Variants in KLF10 observed in about 807,000 individuals in gnomAD.
KLF10 encodes KLF transcription factor 10, also known as Krueppel-like factor 10.
In KLF10, 17 loss-of-function variants were observed where a neutral mutation model predicts 31.6. The observed-to-expected ratio is 0.54, with a 90% CI of 0.37 to 0.81. KLF10 has a LOEUF of 0.81. Ranked by LOEUF, KLF10 falls within the 30% of genes least tolerant of loss-of-function variation. The pLI, the probability that KLF10 is intolerant of heterozygous loss-of-function variation, is 0.00. For missense variants in KLF10, 525 were observed against 598.1 expected, an observed-to-expected ratio of 0.88 and a Z score of 1.27; for synonymous variants, 239 against 215.1, an observed-to-expected ratio of 1.11 and a Z score of -0.97.
Position 102,651,420 on chromosome 8 carries a change from A to AG in KLF10, c.911dup (p.Val305CysfsTer58). The AG allele has an allele frequency of 6.2e-7, 1 of 1,613,324 alleles. No individual in the cohort carries two copies. The highest frequency in any genetic ancestry group is 8.5e-7 in the Non-Finnish European group (1 of 1,179,640). ...GGACTTGTGTGCCCATGAACACAAC[A>AG]GGGGGGCAAACGGCTGGTGGCTGGC... On this transcript the variant is annotated frameshift_variant, in exon 3 of 4. Coordinates refer to ENST00000285407, the MANE Select transcript of KLF10 (RefSeq NM_005655.4). LOFTEE classifies it high-confidence loss of function.
At chr8:102,654,702 C>G (rs1282805975) in intron 1 of KLF10, among the ~76,000 whole-genome samples, 4 of 151,778 alleles carry the variant, frequency 2.6e-5, no homozygotes, top group East Asian at 2.0e-4. Context: ...CCACGGGTTC[C>G]CAGACGTGCA....
Position 102,651,227 on chromosome 8 carries a change from G to A in KLF10, c.1105C>T (p.His369Tyr). The A allele has an allele frequency of 6.4e-7, 1 of 1,572,590 alleles. No homozygotes were observed. Among genetic ancestry groups the A allele is most frequent in the Non-Finnish European group, 8.6e-7 (1 of 1,160,342 alleles). ...CCACATCCTGGGTGGCTACAGATGT[G>A]ACTCCTTATCCTTGATGAATCAATC... The part of the protein sequence containing the change: ...PQIDSSRIRS[H>Y]ICSHPGCGKT... The change falls in exon 3 of 4, where the codon CAC (histidine) becomes TAC (tyrosine). Residue 369 changes from histidine to tyrosine, a missense_variant. This residue lies in a region of KLF10 where 434 missense variants were observed against 450.7 expected (regional missense o/e 0.96). Transcript: ENST00000285407.
Position 102,652,078 on chromosome 8 carries a change from T to C in KLF10, c.271-17A>G, listed in dbSNP as rs1226314583. The C allele has an allele frequency of 1.3e-6, 2 of 1,554,496 alleles. No homozygotes were observed. Among genetic ancestry groups the C allele is most frequent in the East Asian group, 2.3e-5 (1 of 43,364 alleles). ...AGTCAAACACTAAAGAAAAGGGAAA[T>C]ACATAGCATGAGAAATCTACAGTTT... On this transcript the variant is annotated splice_polypyrimidine_tract_variant and intron_variant, in intron 2 of 3. Transcript: ENST00000285407.
chr8:102,654,681 G>A (rs1204320205), intron 1 of KLF10, among the ~76,000 whole-genome samples: 1 of 140,598 alleles, frequency 7.1e-6, no homozygotes, highest in African/African-American at 2.7e-5. Flanking sequence ...GGCCCCTCCC[G>A]CCGCGCGTCT....
intron 2 of KLF10, 27 bp downstream of exon 2, chr8:102,652,137 G>T (rs201319760): frequency 2.0e-6 from 3 of 1,495,994 alleles, no homozygotes; most frequent in Admixed American, 4.4e-5. Context: ...TATAATTTAC[G>T]TCTATCTTAA....
Position 102,649,428 on chromosome 8 carries a change from G to A in KLF10, c.*704C>T, listed in dbSNP as rs926170256. ...AGTTCAAAGCATAATGAAATGCCTA[G>A]ATACAGTCATTTGTTAAACTTTCAA... On this transcript the variant is annotated 3_prime_UTR_variant, in exon 4 of 4. Transcript: ENST00000285407. 1 of 152,152 alleles carries A rather than the reference G, an allele frequency of 6.6e-6. No homozygotes were observed. Among genetic ancestry groups the A allele is most frequent in the Non-Finnish European group, 1.5e-5 (1 of 68,072 alleles). 9.4% of individuals were successfully genotyped at this position (152,152 alleles called of 1,614,324 possible). A position where few individuals can be genotyped will look rare whatever the true frequency, so the allele number is the denominator to read the frequency against.
Position 102,652,243 on chromosome 8 carries a change from G to A in KLF10, c.191C>T (p.Pro64Leu). 1 of 1,613,328 alleles carries A rather than the reference G, an allele frequency of 6.2e-7. No homozygotes were observed. The highest frequency in any genetic ancestry group is 8.5e-7 in the Non-Finnish European group (1 of 1,179,518). The stretch of plus-strand genomic sequence containing the variant: ...TGACAAATCAGATACTGGTGTAACA[G>A]GTCTGTTTTCAACGTATTTCTTAAA... Reference protein sequence around the residue: ...SDFKKYVENRPVTPVSDLSEE... With the variant: ...SDFKKYVENRLVTPVSDLSEE... Residue 64 changes from proline (P) to leucine (L), a missense_variant, in exon 2 of 4, where the codon CCT (proline) becomes CTT (leucine). By Grantham distance (98) the Pro-to-Leu change is moderately conservative. This residue lies in a region of KLF10 where 434 missense variants were observed against 450.7 expected (regional missense o/e 0.96). Coordinates refer to ENST00000285407, the MANE Select transcript of KLF10 (RefSeq NM_005655.4).
chr8:102,650,089 C>A lies in KLF10; in HGVS notation c.*43G>T. On this transcript the variant is annotated 3_prime_UTR_variant, in exon 4 of 4. Coordinates refer to ENST00000285407, the MANE Select transcript of KLF10 (RefSeq NM_005655.4). Reference sequence around the variant, plus strand: ...GCATTTTTACATCACCACTGGCTCCCGCTGAGACCAAAGTTAGTTCTGACT... The same window carrying A: ...GCATTTTTACATCACCACTGGCTCCAGCTGAGACCAAAGTTAGTTCTGACT... 6.2e-7 allele frequency: 1 copy of A among 1,601,786 alleles called. No homozygotes were observed.
At position 102,651,912 on chromosome 8, in the gene KLF10, G is replaced by T. The variant is rs147912564; in HGVS notation, c.420C>A (p.Ser140Arg). The change falls in exon 3 of 4, where the codon AGC becomes AGA. Residue 140 changes from serine to arginine, a missense_variant. Physicochemically the swap from Ser to Arg is moderately radical, Grantham distance 110. Around this residue, in one of 3 missense-constraint regions of KLF10, gnomAD observed 434 missense variants for 450.7 expected, o/e 0.96. Coordinates refer to ENST00000285407, the MANE Select transcript of KLF10 (RefSeq NM_005655.4). ...IAAPFKEEEK[S>R]PVSAPKLPKA... ...TGGGGAGTTTGGGGGCAGATACTGG[G>T]CTCTTTTCTTCCTCTTTGAAAGGTG... The T allele has an allele frequency of 4.3e-6, 7 of 1,613,924 alleles. No individual in the cohort carries two copies. In the African/African-American group the frequency reaches 8.0e-5, roughly 18 times the overall value.
At chr8:102,652,742 C>A (rs926973376) in intron 1 of KLF10, among the ~76,000 whole-genome samples, 6 of 151,992 alleles carry the variant, frequency 3.9e-5, no homozygotes, top group Non-Finnish European at 8.8e-5. Context: ...CATTTGTGAT[C>A]CAAAAGGAGA....
rs1430538631 is a variant in KLF10, at chr8:102,652,494, A to C, written c.37-97T>G. 6.2e-5 allele frequency: 36 copies of C among 579,488 alleles called. No individual in the cohort carries two copies. The East Asian group carries it at 9.4e-4, about 15-fold the overall frequency. 35.9% of individuals were successfully genotyped at this position (579,488 alleles called of 1,614,324 possible). ...AATTTTTTTTTTTTTTTTTTTTACA[A>C]CTCACACAACTTTCCAAATTAAAAT... On this transcript the variant is annotated intron_variant, in intron 1 of 3. Transcript: ENST00000285407.
rs1483330360 is a variant in KLF10, at chr8:102,651,506, T to G, written c.826A>C (p.Met276Leu). The G allele has an allele frequency of 3.7e-6, 6 of 1,613,584 alleles. No homozygotes were observed. Among genetic ancestry groups the G allele is most frequent in the Non-Finnish European group, 5.1e-6 (6 of 1,179,770 alleles). ...GVPPMPVICQ[M>L]VPLPANNPVV... ...GGGTTGTTGGCAGGAAGGGGAACCA[T>G]CTGGCAGATGACCGGCATAGGTGGC... Residue 276 changes from methionine (M) to leucine (L), a missense_variant, in exon 3 of 4, where the codon ATG (methionine) becomes CTG (leucine). Physicochemically the swap from Met to Leu is conservative, Grantham distance 15. Around this residue, in one of 3 missense-constraint regions of KLF10, gnomAD observed 434 missense variants for 450.7 expected, o/e 0.96. Transcript: ENST00000285407.
rs931197123 is a variant in KLF10, at chr8:102,649,237, G to A, written c.*895C>T. 3 of 152,468 alleles carry A rather than the reference G, an allele frequency of 2.0e-5. No homozygotes were observed. Among genetic ancestry groups the A allele is most frequent in the Admixed American group, 2.0e-4 (3 of 15,276 alleles). 9.4% of individuals were successfully genotyped at this position (152,468 alleles called of 1,614,324 possible). A position where few individuals can be genotyped will look rare whatever the true frequency, so the allele number is the denominator to read the frequency against. ...TAAAGGTACTTTACTGATGACATAA[G>A]CCATCTTTTTCAAGAAGTTATCTAA... On this transcript the variant is annotated 3_prime_UTR_variant, in exon 4 of 4. Coordinates refer to ENST00000285407, the MANE Select transcript of KLF10 (RefSeq NM_005655.4).
chr8:102,651,166 T>C lies in KLF10; in HGVS notation c.1166A>G (p.His389Arg), dbSNP rs1827199012. 1 of 1,510,214 alleles carries C rather than the reference T, an allele frequency of 6.6e-7. No homozygotes were observed. Among genetic ancestry groups the C allele is most frequent in the African/African-American group, 1.4e-5 (1 of 71,598 alleles). 93.6% of individuals were successfully genotyped at this position (1,510,214 alleles called of 1,614,324 possible). A position where few individuals can be genotyped will look rare whatever the true frequency, so the allele number is the denominator to read the frequency against. ...TYFKSSHLKA[H>R]TRTHTGEKPF... is the part of the protein sequence containing the mutation. ...GCTGGTACCTGTGTGCGTCCTCGTG[T>C]GGGCCTTCAGATGGGAACTTTTAAA... Residue 389 changes from histidine to arginine, a missense_variant, in exon 3 of 4, where the codon CAC becomes CGC. Physicochemically the swap from His to Arg is conservative, Grantham distance 29. This residue lies in a region of KLF10 where 49 missense variants were observed against 105.0 expected (regional missense o/e 0.47). Transcript: ENST00000285407.
In KLF10 at chr8:102,652,470, A is replaced by ATTTT. The variant is rs10639139; in HGVS notation, c.37-77_37-74dup. ...AAATGACACACAGAAAAATGAGCAA[A>ATTTT]TTTTTTTTTTTTTTTTTTTTACAAC... On this transcript the variant is annotated intron_variant, in intron 1 of 3. Transcript: ENST00000285407. 1.5e-3 allele frequency: 734 copies of ATTTT among 489,288 alleles called. 1 individual carries two copies. Among genetic ancestry groups the ATTTT allele is most frequent in the African/African-American group, 5.0e-3 (240 of 48,222 alleles). 30.3% of individuals were successfully genotyped at this position (489,288 alleles called of 1,614,324 possible).
Position 102,649,910 on chromosome 8 carries a change from ATC to A in KLF10, c.*220_*221del, listed in dbSNP as rs1827164120. ...TATTCAAAGGAATAAAAGCTTTCTC[ATC>A]TCTCTTATGTGATAAGAAATGAAAC... On this transcript the variant is annotated 3_prime_UTR_variant, in exon 4 of 4. Transcript: ENST00000285407. 1 of 576,506 alleles carries A rather than the reference ATC, an allele frequency of 1.7e-6. No individual in the cohort carries two copies. The highest frequency in any genetic ancestry group is 1.9e-5 in the African/African-American group (1 of 53,662). The allele number at this position is 576,506 out of a possible 1,614,324, so 35.7% of individuals were successfully genotyped here. A position where few individuals can be genotyped will look rare whatever the true frequency, so the allele number is the denominator to read the frequency against.
In KLF10 at chr8:102,650,185, C is replaced by A. The variant is rs1177113992; in HGVS notation, c.1390G>T (p.Val464Leu). Reference sequence around the variant, plus strand: ...AGAGCAATGTCATTTAGCTTGCTCACTTCCATCTGCCAGTTTGGTAGCTTC... The same window carrying A: ...AGAGCAATGTCATTTAGCTTGCTCAATTCCATCTGCCAGTTTGGTAGCTTC... ...AKKLPNWQME[V>L]SKLNDIALPP... The change falls in exon 4 of 4, where the codon GTG (valine) becomes TTG (leucine). Residue 464 changes from valine to leucine, a missense_variant. Val to Leu is a conservative substitution (Grantham distance 32). Coordinates refer to ENST00000285407, the MANE Select transcript of KLF10 (RefSeq NM_005655.4). The A allele has an allele frequency of 6.2e-7, 1 of 1,614,120 alleles. No homozygotes were observed. The highest frequency in any genetic ancestry group is 8.5e-7 in the Non-Finnish European group (1 of 1,180,042).
At chr8:102,653,802 C>G (rs1827279887) in intron 1 of KLF10, 3 of 1,051,392 alleles carry the variant, frequency 2.9e-6, no homozygotes, top group Non-Finnish European at 3.5e-6. Context: ...CTGGGAAGGA[C>G]AGGAAGGGAA....
At chr8:102,654,145 G>T in intron 1 of KLF10, 1 of 166,836 alleles carries the variant, frequency 6.0e-6, no homozygotes, top group Non-Finnish European at 1.2e-5. Flanking sequence ...CGGCTGCTCC[G>T]GGAGGCGCAG....
Sources: allele counts gnomAD v4.1 joint callset (sites outside exome capture counted in the v4.1 genomes callset), GRCh38; gene constraint gnomAD v4.1.1; regional missense constraint gnomAD v4.1.1; transcripts MANE v1.5; gene names NCBI Gene and HGNC (gene_info 2026-07-23, HGNC 2026-07-21).